The following NPTN variants were observed in gnomAD, a reference collection of about 807,000 sequenced individuals.
The protein encoded by NPTN is SDR-1.
In NPTN, 5 loss-of-function variants were observed where a neutral mutation model predicts 42.7. The ratio of observed to expected loss-of-function variants is 0.12; its 90% CI spans 0.06 to 0.25. NPTN has a LOEUF of 0.25. NPTN is among the 10% of genes least tolerant of loss of function. The probability of loss-of-function intolerance (pLI) is 1.00; values close to 1 mark genes in which losing one functional copy is unlikely to be tolerated. For missense variants in NPTN, 307 were observed against 525.4 expected (o/e 0.58, Z 4.06); for synonymous variants, 180 against 201.9 (o/e 0.89, Z 0.92).
At chr15:73,601,540 C>A (rs1337651205) in intron 1 of NPTN, among the ~76,000 whole-genome samples, 1 of 152,192 alleles carries the variant, frequency 6.6e-6, no homozygotes, top group Non-Finnish European at 1.5e-5. Context: ...TTACTAAGGG[C>A]TTTCAAACAA....
At chr15:73,599,406 G>A (rs1467069431) in intron 1 of NPTN, 3 of 153,016 alleles carry the variant, frequency 2.0e-5, no homozygotes, top group African/African-American at 7.2e-5. Context: ...ATGAGGTCAG[G>A]AGTTCAAGAC....
rs144748604 is a variant in NPTN at position 73,617,352 on chromosome 15, A to G, written c.91+15773T>C. On this transcript the variant is annotated intron_variant, in intron 1 of 8. Coordinates refer to ENST00000345330, the MANE Select transcript of NPTN (RefSeq NM_012428.4). ...TCCTTTCATAATTTTTAAAAATCCA[A>G]TAACTTTTTCCTTCTTTCAAAAAGC... 1.1e-3 allele frequency among the ~76,000 whole-genome samples: 169 copies of G among 152,348 alleles called. 1 individual carries two copies. The highest frequency in any genetic ancestry group is 4.0e-3 in the African/African-American group (165 of 41,586).
chr15:73,601,468 A>G (rs1897081709), intron 1 of NPTN, among the ~76,000 whole-genome samples: 1 of 152,228 alleles, frequency 6.6e-6, no homozygotes, highest in Admixed American at 6.5e-5. Context: ...ATTCAGGAAA[A>G]GAACTGGCTC....
At chr15:73,589,328 T>C (rs1896476372) in intron 3 of NPTN, among the ~76,000 whole-genome samples, 1 of 151,586 alleles carries the variant, frequency 6.6e-6, no homozygotes, top group Non-Finnish European at 1.5e-5. Context: ...TAAGACCCTG[T>C]TGCGAAAAAA....
At chr15:73,561,873 CT>C in intron 8 of NPTN, 22 bp downstream of exon 8, 2 of 1,533,544 alleles carry the variant, frequency 1.3e-6, no homozygotes, top group Non-Finnish European at 9.0e-7. Flanking sequence ...ATTTTTAAGA[CT>C]GCTACAGAAG....
At chr15:73,562,664 A>G (rs1040748987) in intron 7 of NPTN, among the ~76,000 whole-genome samples, 6 of 152,170 alleles carry the variant, frequency 3.9e-5, no homozygotes, top group African/African-American at 1.4e-4. Flanking sequence ...CTTGGATACG[A>G]GCAATTGTTA....
chr15:73,602,150 C>G (rs1273117933), intron 1 of NPTN, among the ~76,000 whole-genome samples: 1 of 126,204 alleles, frequency 7.9e-6, no homozygotes, highest in Non-Finnish European at 1.7e-5. Flanking sequence ...GAGAGACTAT[C>G]ATGATTTTTC....
intron 1 of NPTN, among the ~76,000 whole-genome samples, chr15:73,619,796 T>C (rs190401689): frequency 6.6e-6 from 1 of 152,336 alleles, no homozygotes. Context: ...CATTTTACTA[T>C]AGAACACATA....
At chr15:73,594,058 A>C (rs764664322) in intron 2 of NPTN, among the ~76,000 whole-genome samples, 12 of 152,214 alleles carry the variant, frequency 7.9e-5, no homozygotes, top group Non-Finnish European at 1.6e-4. Flanking sequence ...AACAAAAGAG[A>C]AAAAGATAGA....
At chr15:73,633,044 T>C in intron 1 of NPTN, 81 bp downstream of exon 1, 1 of 994,700 alleles carries the variant, frequency 1.0e-6, no homozygotes, top group Non-Finnish European at 1.4e-6. Flanking sequence ...AGCTCCAGCG[T>C]CTCCTCAGGC....
chr15:73,583,743 A>G (rs1270951648), intron 4 of NPTN, among the ~76,000 whole-genome samples: 4 of 152,198 alleles, frequency 2.6e-5, no homozygotes, highest in Non-Finnish European at 1.5e-5. Flanking sequence ...TCTCACCTAA[A>G]GGATGTCACA....
chr15:73,594,797 A>G (rs927801302), intron 2 of NPTN, among the ~76,000 whole-genome samples: 8 of 152,140 alleles, frequency 5.3e-5, no homozygotes, highest in African/African-American at 1.7e-4. Flanking sequence ...AACTGGGCAC[A>G]CTTCTCTTCT....
chr15:73,613,021 G>T (rs1191005832), intron 1 of NPTN, among the ~76,000 whole-genome samples: 1 of 152,160 alleles, frequency 6.6e-6, no homozygotes, highest in Admixed American at 6.5e-5. Flanking sequence ...AATTCTGACA[G>T]GGCAACAGGC....
At chr15:73,620,229 C>T (rs747468845) in intron 1 of NPTN, among the ~76,000 whole-genome samples, 5 of 152,114 alleles carry the variant, frequency 3.3e-5, no homozygotes, top group African/African-American at 1.2e-4. Context: ...GTTTGCAAAC[C>T]CTGCTTTAAT....
At chr15:73,604,759 T>A (rs1164093567) in intron 1 of NPTN, among the ~76,000 whole-genome samples, 1 of 152,228 alleles carries the variant, frequency 6.6e-6, no homozygotes, top group Non-Finnish European at 1.5e-5. Context: ...TACATAAAAT[T>A]ACTTTGTAAC....
At chr15:73,593,069 G>A (rs1896673055) in intron 2 of NPTN, among the ~76,000 whole-genome samples, 1 of 152,090 alleles carries the variant, frequency 6.6e-6, no homozygotes, top group Non-Finnish European at 1.5e-5. Flanking sequence ...CCTGGGCAAG[G>A]TATATATACT....
chr15:73,618,928 G>A (rs1281061702), intron 1 of NPTN, among the ~76,000 whole-genome samples: 2 of 151,862 alleles, frequency 1.3e-5, no homozygotes, highest in African/African-American at 2.4e-5. Context: ...GTGTGGTGGT[G>A]CACACCTGTA....
At chr15:73,622,778 T>C (rs1454069514) in intron 1 of NPTN, among the ~76,000 whole-genome samples, 1 of 152,240 alleles carries the variant, frequency 6.6e-6, no homozygotes, top group Non-Finnish European at 1.5e-5. Flanking sequence ...CAAGGCTGTC[T>C]TTTAAGTTCT....
At chr15:73,613,906 G>A (rs563508056) in intron 1 of NPTN, among the ~76,000 whole-genome samples, 17 of 152,070 alleles carry the variant, frequency 1.1e-4, no homozygotes, top group South Asian at 4.2e-4. Flanking sequence ...GGCTGGTCTC[G>A]AACTCTTGAC....
Sources: gnomAD v4.1 joint callset for allele counts (sites outside exome capture counted in the v4.1 genomes callset) on GRCh38, gnomAD v4.1.1 for gene constraint, MANE v1.5 for transcripts, NCBI Gene and HGNC (gene_info 2026-07-23, HGNC 2026-07-21) for gene names.